The following HOOK1 variants were observed in gnomAD, a reference collection of about 807,000 sequenced individuals.
HOOK1 encodes the protein protein Hook homolog 1.
HOOK1 carries 60 observed loss-of-function variants against 112.8 expected under a neutral mutation model. That is an observed-to-expected ratio of 0.53 (90% confidence interval 0.43 to 0.66). The LOEUF is 0.66. Ranked by LOEUF, HOOK1 falls within the 30% of genes least tolerant of loss-of-function variation. The pLI, the probability that HOOK1 is intolerant of heterozygous loss-of-function variation, is 0.00. For missense variants in HOOK1, 770 were observed against 856.0 expected (o/e 0.90, Z 1.25); for synonymous variants, 294 against 283.8 (o/e 1.04, Z -0.36).
chr1:59,856,990 T>G (rs1574214979), intron 12 of HOOK1, among the ~76,000 whole-genome samples: 1 of 152,312 alleles, frequency 6.6e-6, no homozygotes, highest in African/African-American at 2.4e-5. Flanking sequence ...ATCTTATTTC[T>G]CAGATCTTTC....
chr1:59,818,594 T>C (rs1014494198), intron 1 of HOOK1, among the ~76,000 whole-genome samples: 2 of 152,236 alleles, frequency 1.3e-5, no homozygotes, highest in Non-Finnish European at 2.9e-5. Flanking sequence ...TTCTGTGACA[T>C]TGGAAATTTG....
At chr1:59,828,753 T>G (rs755590743) in intron 2 of HOOK1, 27 bp from the exon 3 acceptor site, 10 of 1,601,622 alleles carry the variant, frequency 6.2e-6, no homozygotes, top group Non-Finnish European at 8.5e-6. Context: ...ATTTTCATCT[T>G]TAGTATTTTT....
intron 9 of HOOK1, among the ~76,000 whole-genome samples, chr1:59,844,467 G>C (rs1013991838): frequency 6.6e-5 from 10 of 151,846 alleles, no homozygotes; most frequent in African/African-American, 2.2e-4. Flanking sequence ...ATTTGTGCCT[G>C]TATGACACTA....
At chr1:59,845,677 T>C (rs2098403389) in intron 9 of HOOK1, among the ~76,000 whole-genome samples, 1 of 151,928 alleles carries the variant, frequency 6.6e-6, no homozygotes, top group Admixed American at 6.6e-5. Flanking sequence ...TTGTAATATA[T>C]TGATTGATTT....
chr1:59,855,525 A>G (rs769504615), intron 12 of HOOK1, among the ~76,000 whole-genome samples: 10 of 152,130 alleles, frequency 6.6e-5, no homozygotes, highest in Non-Finnish European at 1.0e-4. Flanking sequence ...TTCTTTATCC[A>G]ATCTGTCATT....
In HOOK1 at chr1:59,868,233, T is replaced by C. The variant is rs1644000162; in HGVS notation, c.1846-17T>C. On this transcript the variant is annotated splice_polypyrimidine_tract_variant and intron_variant, in intron 19 of 21. Transcript: ENST00000371208. ...TTTAAAATATAAAGTGAACATAGTA[T>C]TTTTTTCTTTAAACAGGTAATAAAA... 7.5e-7 allele frequency: 1 copy of C among 1,335,846 alleles called. No homozygotes were observed. Among genetic ancestry groups the C allele is most frequent in the African/African-American group, 1.5e-5 (1 of 68,680 alleles). 82.7% of individuals were successfully genotyped at this position (1,335,846 alleles called of 1,614,324 possible).
At chr1:59,857,480 A>C (rs1367894616) in intron 12 of HOOK1, among the ~76,000 whole-genome samples, 1 of 152,238 alleles carries the variant, frequency 6.6e-6, no homozygotes, top group African/African-American at 2.4e-5. Context: ...GAAATAGTTG[A>C]TAATGACAAA....
chr1:59,820,240 C>T (rs965333047), intron 1 of HOOK1, among the ~76,000 whole-genome samples: 1 of 152,224 alleles, frequency 6.6e-6, no homozygotes, highest in African/African-American at 2.4e-5. Flanking sequence ...AATGTGCTAA[C>T]AGCTGTTGAG....
intron 1 of HOOK1, among the ~76,000 whole-genome samples, chr1:59,815,740 A>G (rs569104828): frequency 7.4e-4 from 113 of 151,908 alleles, no homozygotes; most frequent in African/African-American, 2.6e-3. Flanking sequence ...CTTCAAAGAG[A>G]TGTTTGTATT....
Position 59,848,365 on chromosome 1 carries a change from G to A in HOOK1, c.980G>A (p.Arg327His), listed in dbSNP as rs540739052. 8.7e-6 allele frequency: 14 copies of A among 1,610,986 alleles called. No individual in the cohort carries two copies. The highest frequency in any genetic ancestry group is 1.7e-4 in the Middle Eastern group (1 of 6,050). ...NKLESTVEIY[R>H]QKLQDLNDLR... Reference sequence around the variant, plus strand: ...CTGGAGTCAACAGTTGAGATATATCGTCAGAAGCTACAAGATCTGAATGAC... The same window carrying A: ...CTGGAGTCAACAGTTGAGATATATCATCAGAAGCTACAAGATCTGAATGAC... The change falls in exon 11 of 22, where the codon CGT becomes CAT. Residue 327 changes from arginine (R) to histidine (H), a missense_variant. Arg to His is a conservative substitution (Grantham distance 29). Coordinates refer to ENST00000371208, the MANE Select transcript of HOOK1 (RefSeq NM_015888.6).
chr1:59,821,219 G>A (rs1019563787), intron 1 of HOOK1, among the ~76,000 whole-genome samples: 1 of 152,086 alleles, frequency 6.6e-6, no homozygotes, highest in African/African-American at 2.4e-5. Flanking sequence ...TTTGCTTATT[G>A]TAAAAAGAGG....
At position 59,828,712 on chromosome 1, in the gene HOOK1, G is replaced by A. The variant is rs933561018; in HGVS notation, c.150-68G>A. 4 of 1,315,734 alleles carry A rather than the reference G, an allele frequency of 3.0e-6. No homozygotes were observed. The African/African-American group carries it at 5.9e-5, about 19-fold the overall frequency. The allele number at this position is 1,315,734 out of a possible 1,614,324, so 81.5% of individuals were successfully genotyped here. On this transcript the variant is annotated intron_variant, in intron 2 of 21. Transcript: ENST00000371208. The stretch of plus-strand genomic sequence containing the variant: ...AAGACATAAAGTAACTTTCTCTGTT[G>A]GCTCTATTTAATTTTTTGTGTAATA...
intron 7 of HOOK1, among the ~76,000 whole-genome samples, chr1:59,837,884 C>G (rs1190572481): frequency 6.6e-6 from 1 of 152,012 alleles, no homozygotes; most frequent in Non-Finnish European, 1.5e-5. Context: ...GTGATGCTCC[C>G]CTCCTTGTGT....
At chr1:59,868,859 A>T (rs1644011476) in intron 20 of HOOK1, among the ~76,000 whole-genome samples, 1 of 152,198 alleles carries the variant, frequency 6.6e-6, no homozygotes. Flanking sequence ...CTTAGTTATT[A>T]ATCATGCAAA....
Position 59,821,889 on chromosome 1 carries a change from A to G in HOOK1, c.95A>G (p.Gln32Arg). 1 of 1,606,128 alleles carries G rather than the reference A, an allele frequency of 6.2e-7. No homozygotes were observed. The highest frequency in any genetic ancestry group is 8.5e-7 in the Non-Finnish European group (1 of 1,177,206). The change falls in exon 2 of 22, where the codon CAA (glutamine) becomes CGA (arginine). Residue 32 changes from glutamine (Q) to arginine (R), a missense_variant. Transcript: ENST00000371208. Reference sequence around the variant, plus strand: ...ACATTCAATACTGCCTCACCTTGTCAAGATGTCAAACAGCTGACTAGTGGA... The same window carrying G: ...ACATTCAATACTGCCTCACCTTGTCGAGATGTCAAACAGCTGACTAGTGGA... ...LQTFNTASPC[Q>R]DVKQLTSGVA... is the part of the protein sequence containing the mutation.
At position 59,815,100 on chromosome 1, in the gene HOOK1, T is replaced by TCGA. The variant is rs2098380137; in HGVS notation, c.-15_-13dup. On this transcript the variant is annotated 5_prime_UTR_variant, in exon 1 of 22. Transcript: ENST00000371208. ...GAGTGTGAAGGTGTCCGCGGCGTCG[T>TCGA]CGACGGCGGCGCCGGCCATGGAGGA... The TCGA allele has an allele frequency of 6.5e-7, 1 of 1,538,726 alleles. No individual in the cohort carries two copies. Among genetic ancestry groups the TCGA allele is most frequent in the Non-Finnish European group, 8.7e-7 (1 of 1,146,192 alleles).
chr1:59,834,154 G>A (rs1379199173), intron 5 of HOOK1, among the ~76,000 whole-genome samples: 3 of 152,088 alleles, frequency 2.0e-5, no homozygotes, highest in Non-Finnish European at 4.4e-5. Flanking sequence ...AATCCGTTTC[G>A]GTGGTGAGAC....
chr1:59,826,239 C>T (rs542371448), intron 2 of HOOK1, among the ~76,000 whole-genome samples: 21 of 151,424 alleles, frequency 1.4e-4, no homozygotes, highest in Non-Finnish European at 2.8e-4. Flanking sequence ...ATTTGATATC[C>T]CTTGAGTGTT....
At chr1:59,820,506 T>A (rs1042805918) in intron 1 of HOOK1, among the ~76,000 whole-genome samples, 4 of 152,104 alleles carry the variant, frequency 2.6e-5, no homozygotes, top group African/African-American at 9.7e-5. Context: ...AAAAATAATA[T>A]CTCTTCTCAT....
Sources: gnomAD v4.1 joint callset for allele counts (sites outside exome capture counted in the v4.1 genomes callset) on GRCh38, gnomAD v4.1.1 for gene constraint, MANE v1.5 for transcripts, NCBI Gene and HGNC (gene_info 2026-07-23, HGNC 2026-07-21) for gene names.